TAB3: variants seen among roughly 807,000 people sequenced by gnomAD.
TAB3 encodes the protein TGF-beta activated kinase 1 (MAP3K7) binding protein 3.
A neutral mutation model predicts 48.1 loss-of-function variants in TAB3; 18 were observed. The observed-to-expected ratio is 0.37, with a 90% CI of 0.26 to 0.55. The LOEUF (loss-of-function observed/expected upper bound fraction) is 0.55. Ranked by LOEUF, TAB3 falls within the 20% of genes least tolerant of loss-of-function variation. The pLI is 0.78. For missense variants in TAB3, 414 were observed against 549.8 expected (o/e 0.75, Z 2.47); for synonymous variants, 185 against 190.2 (o/e 0.97, Z 0.22).
At position 30,827,519 on chromosome X, in the gene TAB3, T is replaced by C. The variant is rs1259285097; in HGVS notation, c.*3908A>G. ...ATGTACTGTTTGGAGGTACGATGCA[T>C]GCAGAGCCTTTTAAAATGCCTTTGT... On this transcript the variant is annotated 3_prime_UTR_variant, in exon 11 of 11. Transcript: ENST00000288422. The C allele has an allele frequency of 8.9e-6, 1 of 112,780 alleles. No homozygotes were observed. Among genetic ancestry groups the C allele is most frequent in the Non-Finnish European group, 1.9e-5 (1 of 53,305 alleles). 9.3% of individuals were successfully genotyped at this position (112,780 alleles called of 1,213,427 possible). A position where few individuals can be genotyped will look rare whatever the true frequency, so the allele number is the denominator to read the frequency against.
chrX:30,855,007 G>C lies in TAB3; in HGVS notation c.658C>G (p.Pro220Ala). 1 of 1,211,025 alleles carries C rather than the reference G, an allele frequency of 8.3e-7. No homozygotes were observed. The highest frequency in any genetic ancestry group is 1.1e-6 in the Non-Finnish European group (1 of 895,019). ...PRALQILPQI[P>A]SNLYGSPGSI... ...CCAGGAGACCCATAGAGATTGCTTG[G>C]AATTTGTGGAAGAATTTGTAAAGCT... The change falls in exon 6 of 11, where the codon CCA becomes GCA. Residue 220 changes from proline to alanine, a missense_variant. Transcript: ENST00000288422.
chrX:30,854,320 G>A lies in TAB3; in HGVS notation c.1345C>T (p.Pro449Ser). 4 of 1,211,395 alleles carry A rather than the reference G, an allele frequency of 3.3e-6. No individual in the cohort carries two copies. Among genetic ancestry groups the A allele is most frequent in the Non-Finnish European group, 4.5e-6 (4 of 895,383 alleles). Residue 449 changes from proline to serine, a missense_variant, in exon 6 of 11, where the codon CCA becomes TCA. Coordinates refer to ENST00000288422, the MANE Select transcript of TAB3 (RefSeq NM_152787.5). Reference sequence around the variant, plus strand: ...ATTTTAAAAACTGTAGTTGGGTTTGGTATCACTCGAGGAGATGGTGATGGA... The same window carrying A: ...ATTTTAAAAACTGTAGTTGGGTTTGATATCACTCGAGGAGATGGTGATGGA... ...CTPSPSPRVI[P>S]NPTTVFKITV...
Position 30,828,802 on chromosome X carries a change from C to G in TAB3, c.*2625G>C, listed in dbSNP as rs1036338328. The G allele has an allele frequency of 8.9e-6, 1 of 111,895 alleles. No individual in the cohort carries two copies. The highest frequency in any genetic ancestry group is 1.9e-5 in the Non-Finnish European group (1 of 53,174). 9.2% of individuals were successfully genotyped at this position (111,895 alleles called of 1,213,427 possible). A position where few individuals can be genotyped will look rare whatever the true frequency, so the allele number is the denominator to read the frequency against. On this transcript the variant is annotated 3_prime_UTR_variant, in exon 11 of 11. Coordinates refer to ENST00000288422, the MANE Select transcript of TAB3 (RefSeq NM_152787.5). The stretch of plus-strand genomic sequence containing the variant: ...CAGCCAGGCGTCATCCGATTTATAT[C>G]CTACCACTTCCATGCCAATTGTCTG...
intron 5 of TAB3, among the ~76,000 whole-genome samples, 194 bp downstream of exon 5, chrX:30,859,293 G>A (rs1939173599): frequency 9.3e-6 from 1 of 107,829 alleles, no homozygotes. Flanking sequence ...GCACAAGGCC[G>A]ACTCCCACAA....
chrX:30,876,386 G>A (rs1158113522), intron 1 of TAB3, among the ~76,000 whole-genome samples: 1 of 112,397 alleles, frequency 8.9e-6, no homozygotes, highest in African/African-American at 3.2e-5. Flanking sequence ...AGACTCAGAA[G>A]GACTCCAAGT....
At chrX:30,868,538 TTATATA>T (rs1223730766) in intron 2 of TAB3, among the ~76,000 whole-genome samples, 78 of 2,235 alleles carry the variant, frequency 0.035, 18 homozygotes, top group African/African-American at 0.2. Context: ...TATATATAGC[TTATATA>T]TATATATATA....
At chrX:30,874,139 T>C (rs1939751576) in intron 1 of TAB3, among the ~76,000 whole-genome samples, 1 of 111,712 alleles carries the variant, frequency 9.0e-6, no homozygotes, top group African/African-American at 3.3e-5. Context: ...GCCACTGCAC[T>C]CTAGCCTGGG....
At chrX:30,831,942 C>T (rs1283465533) in intron 10 of TAB3, among the ~76,000 whole-genome samples, 3 of 112,003 alleles carry the variant, frequency 2.7e-5, no homozygotes, top group Non-Finnish European at 3.8e-5. Context: ...TCCCTGACTT[C>T]AGCCCACCTT....
chrX:30,833,162 G>C (rs1938079735), intron 10 of TAB3, among the ~76,000 whole-genome samples: 1 of 108,208 alleles, frequency 9.2e-6, no homozygotes, highest in South Asian at 4.1e-4. Context: ...AGTAGAGACA[G>C]GGTTTCACCG....
At chrX:30,850,785 C>CTT (rs756585121) in intron 7 of TAB3, among the ~76,000 whole-genome samples, 40 of 93,447 alleles carry the variant, frequency 4.3e-4, no homozygotes, top group Non-Finnish European at 6.0e-4. Flanking sequence ...GGGCTTTTTT[C>CTT]TTTTTTTTTT....
rs1247607907 is a variant in TAB3, at chrX:30,854,461, C to G, written c.1204G>C (p.Ala402Pro). 3 of 1,209,593 alleles carry G rather than the reference C, an allele frequency of 2.5e-6. No individual in the cohort carries two copies. Among genetic ancestry groups the G allele is most frequent in the African/African-American group, 3.5e-5 (2 of 56,998 alleles). ...GGAGAACTTGAAGGTGGCGTGGTGG[C>G]TGTGTACAGTGAGTGTTGATTCCGT... ...SPRNQHSLYT[A>P]TTPPSSSPSR... Residue 402 changes from alanine to proline, a missense_variant, in exon 6 of 11, where the codon GCC (alanine) becomes CCC (proline). Physicochemically the swap from Ala to Pro is conservative, Grantham distance 27. Transcript: ENST00000288422.
rs1357157818 is a variant in TAB3, at chrX:30,859,626, G to A, written c.-38C>T. 2.0e-6 allele frequency: 2 copies of A among 991,846 alleles called. No homozygotes were observed. The highest frequency in any genetic ancestry group is 2.8e-6 in the Non-Finnish European group (2 of 706,564). The allele number at this position is 991,846 out of a possible 1,213,427, so 81.7% of individuals were successfully genotyped here. A position where few individuals can be genotyped will look rare whatever the true frequency, so the allele number is the denominator to read the frequency against. ...GGTGGCCAAGTTTCTCTTAGGAAAT[G>A]GATGTTAACCGGCTTTCCAAAAGTA... On this transcript the variant is annotated 5_prime_UTR_variant, in exon 5 of 11. Coordinates refer to ENST00000288422, the MANE Select transcript of TAB3 (RefSeq NM_152787.5).
At position 30,842,981 on chromosome X, in the gene TAB3, T is replaced by C. The variant is rs747856384; in HGVS notation, c.1873A>G (p.Lys625Glu). ...TCATACTCACCTTTTTTAGATGGCT[T>C]GGGTGGTACAACTGGGCCAGGTTCT... ...NIEPGPVVPP[K>E]PSKKDSSDPC... is the part of the protein sequence containing the mutation. Residue 625 changes from lysine to glutamate, a missense_variant, in exon 9 of 11, where the codon AAG (lysine) becomes GAG (glutamate). Lys to Glu is a moderately conservative substitution (Grantham distance 56, BLOSUM62 1). Transcript: ENST00000288422. 1 of 1,170,233 alleles carries C rather than the reference T, an allele frequency of 8.5e-7. No homozygotes were observed. Among genetic ancestry groups the C allele is most frequent in the East Asian group, 3.0e-5 (1 of 32,877 alleles).
chrX:30,859,382 A>ACG (rs1939180665), intron 5 of TAB3, 105 bp downstream of exon 5: 2 of 572,791 alleles, frequency 3.5e-6, no homozygotes, highest in Non-Finnish European at 5.8e-6. Context: ...ACACACACAC[A>ACG]CACACACACA....
chrX:30,856,958 C>T (rs2147365119), intron 5 of TAB3, among the ~76,000 whole-genome samples: 1 of 111,549 alleles, frequency 9.0e-6, no homozygotes, highest in East Asian at 2.8e-4. Context: ...GCCAAAAGGA[C>T]ATTATTAAAC....
chrX:30,850,848 C>CA (rs66818218), intron 7 of TAB3, among the ~76,000 whole-genome samples: 5 of 101,772 alleles, frequency 4.9e-5, no homozygotes, highest in African/African-American at 1.8e-4. Context: ...CAATGAAAAA[C>CA]AAAAAAAAAC....
chrX:30,850,868 A>C (rs538686989), intron 7 of TAB3, among the ~76,000 whole-genome samples: 1 of 106,480 alleles, frequency 9.4e-6, no homozygotes, highest in South Asian at 4.1e-4. Context: ...CCAATATTTT[A>C]TTTAGCAGGG....
intron 5 of TAB3, among the ~76,000 whole-genome samples, chrX:30,857,546 C>A (rs1211863425): frequency 9.1e-6 from 1 of 110,473 alleles, no homozygotes; most frequent in Non-Finnish European, 1.9e-5. Flanking sequence ...TTATTAATAA[C>A]CCTGAAATTC....
chrX:30,865,114 C>T (rs73208293), intron 4 of TAB3, among the ~76,000 whole-genome samples: 13,448 of 111,464 alleles, frequency 0.12, 810 homozygotes, highest in Middle Eastern at 0.2. Context: ...TGTGTCTCAA[C>T]GGCATACTAT....
Sources: gnomAD v4.1 joint callset for allele counts (sites outside exome capture counted in the v4.1 genomes callset) on GRCh38, gnomAD v4.1.1 for gene constraint, MANE v1.5 for transcripts, NCBI Gene and HGNC (gene_info 2026-07-23, HGNC 2026-07-21) for gene names.